Variants in ACACA observed in about 807,000 individuals in gnomAD.
ACACA encodes the protein acetyl-CoA carboxylase 1.
A neutral mutation model predicts 296.1 loss-of-function variants in ACACA; 103 were observed. That is an observed-to-expected ratio of 0.35 (90% CI 0.30 to 0.41). The LOEUF (loss-of-function observed/expected upper bound fraction) is 0.41. ACACA is among the 10% of genes least tolerant of loss of function. The probability of loss-of-function intolerance (pLI) is 1.00; values close to 1 mark genes in which losing one functional copy is unlikely to be tolerated. For synonymous variants in ACACA, 953 were observed against 1,038.6 expected, an observed-to-expected ratio of 0.92 and a Z score of 1.58; for missense variants, 1,554 against 2,989.7, an observed-to-expected ratio of 0.52 and a Z score of 11.20.
chr17:37,134,260 A>G (rs1175373525), intron 45 of ACACA, among the ~76,000 whole-genome samples: 2 of 152,162 alleles, frequency 1.3e-5, no homozygotes, highest in African/African-American at 2.4e-5. Flanking sequence ...AGCCTAATAT[A>G]CCGCCTGCTC....
chr17:37,088,566 G>T (rs2072382299), intron 55 of ACACA, among the ~76,000 whole-genome samples: 1 of 152,194 alleles, frequency 6.6e-6, no homozygotes, highest in African/African-American at 2.4e-5. Context: ...GAAGCCTCTA[G>T]AAGAATACAG....
At chr17:37,253,775 C>A (rs942533527) in intron 14 of ACACA, among the ~76,000 whole-genome samples, 2 of 152,066 alleles carry the variant, frequency 1.3e-5, no homozygotes, top group East Asian at 3.9e-4. Flanking sequence ...AATTTACATA[C>A]AATAAAATAT....
intron 5 of ACACA, among the ~76,000 whole-genome samples, chr17:37,279,184 A>C (rs1369495471): frequency 3.3e-5 from 5 of 152,184 alleles, no homozygotes; most frequent in Admixed American, 2.0e-4. Context: ...AAAAGATTTT[A>C]AGTCCCTTCT....
At position 37,398,308 on chromosome 17, in the gene ACACA, C is replaced by T. The variant is rs866283133; in HGVS notation, c.38+7954G>A. Among the ~76,000 whole-genome samples, 218 of 97,560 alleles carry T rather than the reference C, an allele frequency of 2.2e-3. 1 individual carries two copies. The highest frequency in any genetic ancestry group is 0.01 in the Middle Eastern group (1 of 100). The allele number at this position is 97,560 out of a possible 152,430, so 64.0% of individuals were successfully genotyped here. Reference sequence around the variant, plus strand: ...TTTTTTTTTTTTTTTTTTTTTGAGACGAAGTTTCGCTCTTGTTGCCCAGGC... The same window carrying T: ...TTTTTTTTTTTTTTTTTTTTTGAGATGAAGTTTCGCTCTTGTTGCCCAGGC... On this transcript the variant is annotated intron_variant, in intron 1 of 55. Coordinates refer to ENST00000616317, the MANE Select transcript of ACACA (RefSeq NM_198834.3).
intron 1 of ACACA, among the ~76,000 whole-genome samples, chr17:37,341,426 C>A (rs927805447): frequency 4.6e-5 from 7 of 152,122 alleles, no homozygotes; most frequent in African/African-American, 1.7e-4. Flanking sequence ...TGTGGTGGCT[C>A]ACACCTGTAA....
chr17:37,271,700 T>C (rs2082079395), intron 9 of ACACA, among the ~76,000 whole-genome samples: 1 of 150,856 alleles, frequency 6.6e-6, no homozygotes, highest in Non-Finnish European at 1.5e-5. Flanking sequence ...TTGGGCGTAG[T>C]GGCTCGTGCC....
Position 37,330,325 on chromosome 17 carries a change from A to C in ACACA, c.186T>G (p.Ser62=). 1 of 1,614,242 alleles carries C rather than the reference A, an allele frequency of 6.2e-7. No individual in the cohort carries two copies. Among genetic ancestry groups the C allele is most frequent in the Non-Finnish European group, 8.5e-7 (1 of 1,180,046 alleles). Reference sequence around the variant, plus strand: ...TGATCTCATCCTCTGAGTTATCTTCAGACACAGAACCTATTATGAATCGAG... The same window carrying C: ...TGATCTCATCCTCTGAGTTATCTTCCGACACAGAACCTATTATGAATCGAG... The part of the protein sequence containing the change: ...QHSRFIIGSV[S]EDNSEDEISN... Residue 62 remains serine (S), a synonymous_variant, in exon 3 of 56, where the codon TCT becomes TCG. Transcript: ENST00000616317.
chr17:37,087,210 C>T lies in ACACA; in HGVS notation c.*106G>A. 1 of 1,504,466 alleles carries T rather than the reference C, an allele frequency of 6.6e-7. No homozygotes were observed. Among genetic ancestry groups the T allele is most frequent in the South Asian group, 1.1e-5 (1 of 87,540 alleles). The allele number at this position is 1,504,466 out of a possible 1,614,324, so 93.2% of individuals were successfully genotyped here. A position where few individuals can be genotyped will look rare whatever the true frequency, so the allele number is the denominator to read the frequency against. On this transcript the variant is annotated 3_prime_UTR_variant, in exon 56 of 56. Transcript: ENST00000616317. ...AGAGGAAGTAAAATGCCATTTGACT[C>T]CAGTGCTGGGTCTCCTGTGCCTTCT...
At chr17:37,312,353 G>T (rs2084193454) in intron 3 of ACACA, among the ~76,000 whole-genome samples, 1 of 152,166 alleles carries the variant, frequency 6.6e-6, no homozygotes, top group South Asian at 2.1e-4. Flanking sequence ...AATTGTGGAA[G>T]AATCTGAATA....
chr17:37,327,541 T>A (rs767268152), intron 3 of ACACA, among the ~76,000 whole-genome samples: 64 of 152,218 alleles, frequency 4.2e-4, no homozygotes, highest in Non-Finnish European at 8.4e-4. Context: ...CTCATGCCAC[T>A]GACCACATAG....
chr17:37,100,923 C>T (rs1256881246), intron 52 of ACACA, among the ~76,000 whole-genome samples: 1 of 152,054 alleles, frequency 6.6e-6, no homozygotes, highest in East Asian at 1.9e-4. Flanking sequence ...ATGGCAAGAC[C>T]TTGTCTCTAC....
chr17:37,188,519 C>G (rs770582567), intron 38 of ACACA, 39 bp from the exon 39 acceptor site: 3 of 1,602,674 alleles, frequency 1.9e-6, no homozygotes, highest in Admixed American at 3.3e-5. Context: ...ACTTAAATAT[C>G]TTCTAACTAA....
intron 1 of ACACA, among the ~76,000 whole-genome samples, chr17:37,343,166 C>T (rs1463091894): frequency 1.3e-5 from 2 of 151,804 alleles, no homozygotes; most frequent in Non-Finnish European, 2.9e-5. Flanking sequence ...TTAGTAGAGA[C>T]GGCGTTTCAC....
intron 28 of ACACA, among the ~76,000 whole-genome samples, chr17:37,223,107 T>C (rs1481912250): frequency 6.6e-6 from 1 of 152,236 alleles, no homozygotes; most frequent in Non-Finnish European, 1.5e-5. Context: ...TAAGAGCTGC[T>C]TGACAATCCA....
chr17:37,389,170 C>T (rs2050678716), intron 1 of ACACA: 7 of 1,497,050 alleles, frequency 4.7e-6, no homozygotes, highest in Admixed American at 2.2e-5. Context: ...CTTTAAGTTG[C>T]CCAACAAGAG....
At chr17:37,341,741 C>T (rs2048379910) in intron 1 of ACACA, among the ~76,000 whole-genome samples, 2 of 151,862 alleles carry the variant, frequency 1.3e-5, no homozygotes. Flanking sequence ...CTCCCTCACC[C>T]CCTCCACTTT....
chr17:37,183,057 G>C (rs1339255745), intron 39 of ACACA, among the ~76,000 whole-genome samples: 1 of 152,204 alleles, frequency 6.6e-6, no homozygotes, highest in Non-Finnish European at 1.5e-5. Context: ...TGTTAAGTAA[G>C]GCAAGGGTAC....
rs199873625 is a variant in ACACA, at chr17:37,097,984, C to T, written c.6566G>A (p.Gly2189Glu). The T allele has an allele frequency of 1.8e-4, 292 of 1,614,052 alleles. No homozygotes were observed. The highest frequency in any genetic ancestry group is 2.2e-4 in the Non-Finnish European group (265 of 1,180,044). The stretch of plus-strand genomic sequence containing the variant: ...CTCAGCTGTGCTTAGCTCTGGGGTC[C>T]CTGCAATTAGATAAACATGCCCGTC... ...PVYIHLAERLGTPELSTAERK... is the reference protein window; with the variant it reads ...PVYIHLAERLETPELSTAERK... The change falls in exon 53 of 56, where the codon GGG becomes GAG. Residue 2189 changes from glycine to glutamate, a missense_variant and splice_region_variant. Gly to Glu is a moderately conservative substitution (Grantham distance 98). Coordinates refer to ENST00000616317, the MANE Select transcript of ACACA (RefSeq NM_198834.3). This position sits in a 1 kb window ranked among gnomAD's most constrained non-coding sequence, Gnocchi z 4.8.
chr17:37,392,151 C>T (rs1171991160), intron 1 of ACACA: 1 of 170,924 alleles, frequency 5.9e-6, no homozygotes, highest in Non-Finnish European at 1.3e-5. Flanking sequence ...GAGTGGGACT[C>T]CTGATCTCCC....
Sources: allele counts gnomAD v4.1 joint callset (sites outside exome capture counted in the v4.1 genomes callset), GRCh38; gene constraint gnomAD v4.1.1; non-coding constraint Gnocchi (gnomAD v3.1); transcripts MANE v1.5; gene names NCBI Gene and HGNC (gene_info 2026-07-23, HGNC 2026-07-21).